TGIF1: variants seen among roughly 807,000 people sequenced by gnomAD.
TGIF1 encodes the protein TGFB induced factor homeobox 1, also known as homeobox protein TGIF1.
TGIF1 carries 4 observed loss-of-function variants against 19.3 expected under a neutral mutation model. The ratio of observed to expected loss-of-function variants is 0.21; its 90% CI spans 0.10 to 0.47. The LOEUF (loss-of-function observed/expected upper bound fraction) is 0.47. Ranked by LOEUF, TGIF1 falls within the 20% of genes least tolerant of loss-of-function variation. The pLI, the probability that TGIF1 is intolerant of heterozygous loss-of-function variation, is 0.98. For synonymous variants in TGIF1, 122 were observed against 129.3 expected (o/e 0.94, Z 0.38); for missense variants, 275 against 341.4 (o/e 0.81, Z 1.53).
chr18:3,443,049 G>A (rs568954943), intron 2 of TGIF1, among the ~76,000 whole-genome samples: 1 of 152,298 alleles, frequency 6.6e-6, no homozygotes, highest in African/African-American at 2.4e-5. Context: ...CCACCTCCCA[G>A]AAACTCCTAC....
At chr18:3,450,963 C>T (rs1174990033) in intron 1 of TGIF1, among the ~76,000 whole-genome samples, 8 of 150,414 alleles carry the variant, frequency 5.3e-5, no homozygotes, top group Admixed American at 2.0e-4. Context: ...CACTCCTAGG[C>T]TCCCCCCGCC....
chr18:3,447,977 A>G (rs1182788815), upstream of TGIF1: 29 of 921,106 alleles, frequency 3.1e-5, no homozygotes, highest in Non-Finnish European at 3.8e-5. Flanking sequence ...GGACGAAAGC[A>G]AAGCTACCTT....
chr18:3,444,297 T>C, intron 2 of TGIF1, among the ~76,000 whole-genome samples: 1 of 131,364 alleles, frequency 7.6e-6, no homozygotes, highest in East Asian at 1.9e-4. Flanking sequence ...TTTTTTTTTT[T>C]TTTTGTCTTT....
At chr18:3,412,890 C>T (rs189029002) in intron 1 of TGIF1, 9 of 152,348 alleles carry the variant, frequency 5.9e-5, no homozygotes, top group Admixed American at 1.3e-4. Flanking sequence ...TGGCGTCACA[C>T]GCCTGTAGTC....
At chr18:3,450,929 C>G (rs1250488066) in intron 1 of TGIF1, among the ~76,000 whole-genome samples, 1 of 152,100 alleles carries the variant, frequency 6.6e-6, no homozygotes, top group African/African-American at 2.4e-5. Context: ...GCCGCGGGAC[C>G]GCCGCGGCTT....
chr18:3,441,912 T>C (rs2082681098), intron 2 of TGIF1, among the ~76,000 whole-genome samples: 1 of 152,246 alleles, frequency 6.6e-6, no homozygotes, highest in Non-Finnish European at 1.5e-5. Flanking sequence ...TTTGGAAGGC[T>C]TCCCCAGTGT....
chr18:3,446,535 G>A (rs151142313), upstream of TGIF1, among the ~76,000 whole-genome samples: 371 of 152,320 alleles, frequency 2.4e-3, 1 homozygote, highest in Non-Finnish European at 4.8e-3. Flanking sequence ...GTAAAGAGAA[G>A]TGATGACTTG....
chr18:3,449,721 C>T (rs1451633256), upstream of TGIF1: 2 of 985,348 alleles, frequency 2.0e-6, no homozygotes, highest in Non-Finnish European at 2.4e-6. Context: ...GCGGCTGTCT[C>T]GTGCGGCTAG....
At chr18:3,434,439 G>C (rs2143206322) in intron 2 of TGIF1, among the ~76,000 whole-genome samples, 1 of 152,304 alleles carries the variant, frequency 6.6e-6, no homozygotes, top group Admixed American at 6.5e-5. Context: ...GGGAGGCTGA[G>C]GCAGGAGAAT....
In TGIF1 at chr18:3,450,173, C is replaced by T. The variant is rs1420475773; in HGVS notation, c.-317C>T. On this transcript the variant is annotated 5_prime_UTR_variant, in exon 1 of 3. Coordinates refer to ENST00000343820, the MANE Select transcript of TGIF1 (RefSeq NM_003244.4). ...GTACCTTCCCTCCTCGCCTCTCTCA[C>T]TCTGACAGCGCCGAGGTGCGCCGAG... is the stretch of plus-strand genomic sequence containing the variant. The T allele has an allele frequency of 1.9e-5, 25 of 1,313,682 alleles. No homozygotes were observed. Among genetic ancestry groups the T allele is most frequent in the African/African-American group, 3.0e-5 (2 of 66,676 alleles). The allele number at this position is 1,313,682 out of a possible 1,614,324, so 81.4% of individuals were successfully genotyped here.
At chr18:3,448,096 C>G (rs1266813252), upstream of TGIF1, 1 of 937,538 alleles carries the variant, frequency 1.1e-6, no homozygotes, top group Non-Finnish European at 1.2e-6. Context: ...AGGGTTAAAC[C>G]GACCGAAGGC....
chr18:3,434,483 G>T (rs1231152788), intron 2 of TGIF1, among the ~76,000 whole-genome samples: 1 of 150,800 alleles, frequency 6.6e-6, no homozygotes, highest in Non-Finnish European at 1.5e-5. Flanking sequence ...TTGCGGTGAG[G>T]CAAGATCATG....
chr18:3,450,017 C>T (rs1375435738), upstream of TGIF1: 12 of 991,734 alleles, frequency 1.2e-5, no homozygotes, highest in Non-Finnish European at 1.4e-5. Flanking sequence ...CCGCCGCCCC[C>T]GAGGGACGAG....
chr18:3,449,942 G>A (rs2082846228), upstream of TGIF1: 56 of 986,496 alleles, frequency 5.7e-5, no homozygotes, highest in Non-Finnish European at 6.6e-5. Flanking sequence ...GAGGGATGCG[G>A]GCGGTCCGTG....
chr18:3,446,792 G>T (rs1598885789), upstream of TGIF1, among the ~76,000 whole-genome samples: 1 of 152,272 alleles, frequency 6.6e-6, no homozygotes, highest in East Asian at 1.9e-4. Flanking sequence ...CAGACCTCTT[G>T]TCCAGTGTTT....
rs1423698716 is a variant in TGIF1, at chr18:3,456,400, G to A, written c.63G>A (p.Met21Ile). Residue 21 changes from methionine (M) to isoleucine (I), a missense_variant, in exon 2 of 3, where the codon ATG (methionine) becomes ATA (isoleucine). Physicochemically the swap from Met to Ile is conservative, Grantham distance 10. Coordinates refer to ENST00000343820, the MANE Select transcript of TGIF1 (RefSeq NM_003244.4). The surrounding 1 kb of genome is among the most constrained non-coding windows in gnomAD (Gnocchi z 4.2). The stretch of plus-strand genomic sequence containing the variant: ...GTGAGACTGAGGATGAGGACAGCAT[G>A]GACATTCCCTTGGACCTTTCTTCAT... Reference protein sequence around the residue: ...SGSETEDEDSMDIPLDLSSSA... With the variant: ...SGSETEDEDSIDIPLDLSSSA... The A allele has an allele frequency of 2.5e-6, 4 of 1,614,124 alleles. No homozygotes were observed. The Admixed American group carries it at 5.0e-5, about 20-fold the overall frequency.
At chr18:3,436,035 G>A (rs1294210260) in intron 2 of TGIF1, among the ~76,000 whole-genome samples, 2 of 152,082 alleles carry the variant, frequency 1.3e-5, no homozygotes, top group Non-Finnish European at 1.5e-5. Context: ...GCCTTCCTTC[G>A]ATTTTTGAAA....
chr18:3,440,575 A>G (rs996898314), intron 2 of TGIF1, among the ~76,000 whole-genome samples: 3 of 152,146 alleles, frequency 2.0e-5, no homozygotes, highest in Non-Finnish European at 2.9e-5. Context: ...CACTGACTTC[A>G]ACTTACCACT....
chr18:3,429,336 A>G (rs1359232198), intron 2 of TGIF1, among the ~76,000 whole-genome samples: 1 of 152,162 alleles, frequency 6.6e-6, no homozygotes, highest in Non-Finnish European at 1.5e-5. Flanking sequence ...GGCATGAGCC[A>G]CCATGCTCAG....
Sources: allele counts gnomAD v4.1 joint callset (sites outside exome capture counted in the v4.1 genomes callset), GRCh38; gene constraint gnomAD v4.1.1; non-coding constraint Gnocchi (gnomAD v3.1); transcripts MANE v1.5; gene names NCBI Gene and HGNC (gene_info 2026-07-23, HGNC 2026-07-21).